ANKRD40: variants seen among roughly 807,000 people sequenced by gnomAD.
ANKRD40 encodes ankyrin repeat domain-containing protein 40.
Under a neutral mutation model 35.5 loss-of-function variants are expected in ANKRD40, and 24 were observed. That is an observed-to-expected ratio of 0.68 (90% CI 0.49 to 0.95). The LOEUF (loss-of-function observed/expected upper bound fraction) is 0.95. Ranked by LOEUF, ANKRD40 falls within the 40% of genes least tolerant of loss-of-function variation. ANKRD40 has a pLI of 0.00. For missense variants in ANKRD40, 361 were observed against 436.0 expected (o/e 0.83, Z 1.53); for synonymous variants, 147 against 173.5 (o/e 0.85, Z 1.20).
At chr17:50,699,363 C>A in intron 3 of ANKRD40, 36 bp downstream of exon 3, 1 of 1,600,626 alleles carries the variant, frequency 6.2e-7, no homozygotes, top group African/African-American at 1.3e-5. Context: ...ACACCAACTC[C>A]CCTGTTGCAG....
intron 1 of ANKRD40, among the ~76,000 whole-genome samples, chr17:50,705,926 T>G (rs1244919712): frequency 6.6e-6 from 1 of 152,048 alleles, no homozygotes; most frequent in East Asian, 1.9e-4. Context: ...CCCAAAGTGC[T>G]GAGATTACAG....
Position 50,695,935 on chromosome 17 carries a change from T to C in ANKRD40, c.*62A>G. On this transcript the variant is annotated 3_prime_UTR_variant, in exon 5 of 5. Coordinates refer to ENST00000285243, the MANE Select transcript of ANKRD40 (RefSeq NM_052855.4). ...ATCTGAGGCATTTAGATCAATGGCT[T>C]GTCCTTGGCCCAGAGGTGATGCACA... The C allele has an allele frequency of 6.3e-7, 1 of 1,585,340 alleles. No individual in the cohort carries two copies. Among genetic ancestry groups the C allele is most frequent in the Non-Finnish European group, 8.6e-7 (1 of 1,162,324 alleles).
At chr17:50,698,873 T>C (rs939103052) in intron 3 of ANKRD40, among the ~76,000 whole-genome samples, 2 of 151,496 alleles carry the variant, frequency 1.3e-5, no homozygotes, top group African/African-American at 4.9e-5. Flanking sequence ...GGTGCGGTGA[T>C]TCACACCTAT....
chr17:50,700,342 C>G, intron 2 of ANKRD40: 1 of 401,146 alleles, frequency 2.5e-6, no homozygotes, highest in Non-Finnish European at 4.4e-6. Flanking sequence ...ACTTGGGAGG[C>G]TGAGGCAGGA....
intron 1 of ANKRD40, among the ~76,000 whole-genome samples, chr17:50,706,900 T>A (rs1252554733): frequency 5.7e-5 from 2 of 35,116 alleles, no homozygotes; most frequent in Non-Finnish European, 4.9e-5. Context: ...CAAGACCCTG[T>A]CTCAAAAAAA....
chr17:50,704,847 G>T (rs1333768089), intron 1 of ANKRD40, among the ~76,000 whole-genome samples: 1 of 152,174 alleles, frequency 6.6e-6, no homozygotes, highest in African/African-American at 2.4e-5. Flanking sequence ...GGGCACGGTG[G>T]CTCACGCCTG....
Position 50,699,587 on chromosome 17 carries a change from A to C in ANKRD40, c.590T>G (p.Leu197Arg). 1.2e-6 allele frequency: 2 copies of C among 1,614,114 alleles called. No individual in the cohort carries two copies. Among genetic ancestry groups the C allele is most frequent in the Non-Finnish European group, 1.7e-6 (2 of 1,180,036 alleles). ...CGGTTTTGTGCTTTCTGGTGTTCTGAGTATGGCAGAGGGGGCCGACACATC... is the reference window on the plus strand; with the variant it reads ...CGGTTTTGTGCTTTCTGGTGTTCTGCGTATGGCAGAGGGGGCCGACACATC... ...NGDVSAPSAI[L>R]RTPESTKPGP... Residue 197 changes from leucine (L) to arginine (R), a missense_variant, in exon 3 of 5, where the codon CTC becomes CGC. Physicochemically the swap from Leu to Arg is moderately radical, Grantham distance 102. Transcript: ENST00000285243.
intron 4 of ANKRD40, 50 bp downstream of exon 4, chr17:50,696,890 G>A (rs1597866552): frequency 6.6e-7 from 1 of 1,506,746 alleles, no homozygotes; most frequent in Non-Finnish European, 8.9e-7. Flanking sequence ...GAGGGGGCTA[G>A]GTATTTTTCA....
chr17:50,699,775 T>C lies in ANKRD40; in HGVS notation c.402A>G (p.Thr134=). 2 of 1,604,166 alleles carry C rather than the reference T, an allele frequency of 1.2e-6. No homozygotes were observed. The highest frequency in any genetic ancestry group is 2.2e-5 in the South Asian group (2 of 90,040). The change falls in exon 3 of 5, where the codon ACA becomes ACG. Residue 134 remains threonine, a synonymous_variant. Transcript: ENST00000285243. ...LANPAFPFIY[T]PTAEDSAQMQ... ...TCTGGGCTGAATCCTCTGCTGTGGG[T>C]GTATAGATAAAAGGGAAGGCTGGGT...
intron 1 of ANKRD40, among the ~76,000 whole-genome samples, chr17:50,703,255 G>A (rs944796369): frequency 1.3e-5 from 2 of 152,090 alleles, no homozygotes; most frequent in Non-Finnish European, 2.9e-5. Flanking sequence ...AATGCTTTAC[G>A]TGTTGGACAT....
chr17:50,707,789 C>T lies in ANKRD40; in HGVS notation c.-135G>A, dbSNP rs991999098. The T allele has an allele frequency of 7.5e-6, 4 of 529,960 alleles. No homozygotes were observed. The highest frequency in any genetic ancestry group is 9.9e-6 in the Non-Finnish European group (4 of 405,292). The allele number at this position is 529,960 out of a possible 1,614,324, so 32.8% of individuals were successfully genotyped here. ...CGGAACTCGCCCGCCCTGCTCGCGC[C>T]GCTGCCCGCGCCCGCCCCGGGACTT... is the stretch of plus-strand genomic sequence containing the variant. On this transcript the variant is annotated 5_prime_UTR_variant, in exon 1 of 5. Coordinates refer to ENST00000285243, the MANE Select transcript of ANKRD40 (RefSeq NM_052855.4). This position sits in a 1 kb window ranked among gnomAD's most constrained non-coding sequence, Gnocchi z 4.8.
chr17:50,702,523 T>C (rs1968284064), intron 1 of ANKRD40, among the ~76,000 whole-genome samples: 1 of 152,228 alleles, frequency 6.6e-6, no homozygotes, highest in Non-Finnish European at 1.5e-5. Context: ...TGTGTGGATG[T>C]CTGTGGCACA....
At position 50,699,513 on chromosome 17, in the gene ANKRD40, A is replaced by G. The variant is rs146050555; in HGVS notation, c.664T>C (p.Ser222Pro). ...GACATTGGTGGCTTGGACGGGACAG[A>G]AGAAAACAGGGAGCGGCTCTGACTC... Reference protein sequence around the residue: ...PVSQSRSLFSSVPSKPPMSLE... With the variant: ...PVSQSRSLFSPVPSKPPMSLE... Residue 222 changes from serine (S) to proline (P), a missense_variant, in exon 3 of 5, where the codon TCT becomes CCT. By Grantham distance (74) the Ser-to-Pro change is moderately conservative (BLOSUM62 -1). Transcript: ENST00000285243. 1,250 of 1,614,182 alleles carry G rather than the reference A, an allele frequency of 7.7e-4. 2 individuals are homozygous for G. The highest frequency in any genetic ancestry group is 1.2e-3 in the Middle Eastern group (7 of 6,062).
Position 50,707,598 on chromosome 17 carries a change from G to C in ANKRD40, c.57C>G (p.Ala19=). Residue 19 remains alanine, a synonymous_variant, in exon 1 of 5, where the codon GCC becomes GCG. Coordinates refer to ENST00000285243, the MANE Select transcript of ANKRD40 (RefSeq NM_052855.4). The surrounding 1 kb of genome is among the most constrained non-coding windows in gnomAD (Gnocchi z 4.8). ...TCTGCACCTCCCGAATGTCCCCTAA[G>C]GCCGCGGCCTCCCGCAGCCTCTCCT... The part of the protein sequence containing the change: ...EQQERLREAA[A]LGDIREVQKL... 6.2e-7 allele frequency: 1 copy of C among 1,604,742 alleles called. No homozygotes were observed. Among genetic ancestry groups the C allele is most frequent in the Non-Finnish European group, 8.5e-7 (1 of 1,175,732 alleles).
intron 1 of ANKRD40, among the ~76,000 whole-genome samples, chr17:50,704,155 G>A (rs922258762): frequency 7.2e-5 from 11 of 151,978 alleles, no homozygotes; most frequent in Admixed American, 2.0e-4. Flanking sequence ...GAGGGATGAG[G>A]GGAGACTTGG....
chr17:50,707,621 CCTG>C lies in ANKRD40; in HGVS notation c.31_33del (p.Gln11del). 2.5e-6 allele frequency: 4 copies of C among 1,599,538 alleles called. No homozygotes were observed. Among genetic ancestry groups the C allele is most frequent in the Non-Finnish European group, 3.4e-6 (4 of 1,173,740 alleles). ...AAGGCCGCGGCCTCCCGCAGCCTCT[CCTG>C]CTGCTCCTTCTGCTCTAGGAGGGCG... On this transcript the variant is annotated inframe_deletion, in exon 1 of 5. Coordinates refer to ENST00000285243, the MANE Select transcript of ANKRD40 (RefSeq NM_052855.4). The surrounding 1 kb of genome is among the most constrained non-coding windows in gnomAD (Gnocchi z 4.8).
intron 1 of ANKRD40, among the ~76,000 whole-genome samples, chr17:50,704,176 T>G (rs538353732): frequency 8.7e-4 from 133 of 152,058 alleles, no homozygotes; most frequent in African/African-American, 3.0e-3. Context: ...AATTCAATCT[T>G]GGACATGTTG....
chr17:50,706,922 A>G (rs1968347264), intron 1 of ANKRD40, among the ~76,000 whole-genome samples: 1 of 149,454 alleles, frequency 6.7e-6, no homozygotes, highest in Non-Finnish European at 1.5e-5. Context: ...AAAAAAAAAA[A>G]AAAAAAAAAA....
chr17:50,705,673 T>C (rs1256444856), intron 1 of ANKRD40, among the ~76,000 whole-genome samples: 1 of 150,628 alleles, frequency 6.6e-6, no homozygotes, highest in African/African-American at 2.4e-5. Flanking sequence ...TTTTTTTTTT[T>C]TTTTTTGAGA....
Sources: allele counts gnomAD v4.1 joint callset (sites outside exome capture counted in the v4.1 genomes callset), GRCh38; gene constraint gnomAD v4.1.1; non-coding constraint Gnocchi (gnomAD v3.1); transcripts MANE v1.5; gene names NCBI Gene and HGNC (gene_info 2026-07-23, HGNC 2026-07-21).